The following TASOR variants were observed in gnomAD, a reference collection of about 807,000 sequenced individuals.
The protein encoded by TASOR is protein TASOR.
In TASOR, 53 loss-of-function variants were observed where a neutral mutation model predicts 178.6. The ratio of observed to expected loss-of-function variants is 0.30; its 90% CI spans 0.24 to 0.37. The LOEUF is 0.37. Ranked by LOEUF, TASOR falls within the 10% of genes least tolerant of loss-of-function variation. The probability of loss-of-function intolerance (pLI) is 1.00; values close to 1 mark genes in which losing one functional copy is unlikely to be tolerated. For missense variants in TASOR, 1,815 were observed against 1,971.4 expected, an observed-to-expected ratio of 0.92 and a Z score of 1.50; for synonymous variants, 713 against 696.2, an observed-to-expected ratio of 1.02 and a Z score of -0.38.
chr3:56,676,501 G>A (rs1373210083), intron 1 of TASOR, among the ~76,000 whole-genome samples: 2 of 152,174 alleles, frequency 1.3e-5, no homozygotes, highest in Non-Finnish European at 2.9e-5. Context: ...GCAGCATGTG[G>A]AGGTCTTTAT....
At chr3:56,636,917 T>C (rs1287991641) in intron 17 of TASOR, among the ~76,000 whole-genome samples, 1 of 151,824 alleles carries the variant, frequency 6.6e-6, no homozygotes, top group Non-Finnish European at 1.5e-5. Flanking sequence ...CTCACACCTG[T>C]AATCCCAACA....
intron 9 of TASOR, 106 bp downstream of exon 9, chr3:56,662,279 G>A: frequency 1.5e-6 from 1 of 677,434 alleles, no homozygotes; most frequent in Non-Finnish European, 2.6e-6. Context: ...TTATATTGAA[G>A]TTCTTATGAA....
At chr3:56,662,259 A>C in intron 9 of TASOR, 126 bp downstream of exon 9, 1 of 634,226 alleles carries the variant, frequency 1.6e-6, no homozygotes, top group South Asian at 1.9e-5. Flanking sequence ...TTTAAAAAAC[A>C]AACCAACATT....
chr3:56,667,343 A>AT (rs1254421532), intron 6 of TASOR, among the ~76,000 whole-genome samples: 1 of 151,954 alleles, frequency 6.6e-6, no homozygotes, highest in Admixed American at 6.6e-5. Flanking sequence ...GGTTATAGAC[A>AT]TTTTTTTTAA....
At chr3:56,629,325 T>G (rs1019273523) in intron 18 of TASOR, among the ~76,000 whole-genome samples, 2 of 152,108 alleles carry the variant, frequency 1.3e-5, no homozygotes, top group Non-Finnish European at 2.9e-5. Flanking sequence ...AGAAACACTT[T>G]AAGGCAACCT....
intron 23 of TASOR, 110 bp from the exon 24 acceptor site, chr3:56,623,676 A>G: frequency 3.2e-6 from 5 of 1,540,666 alleles, no homozygotes; most frequent in Non-Finnish European, 4.4e-6. Flanking sequence ...GCAAGTCCAC[A>G]ATCCCTTAAA....
rs549330113 is a variant in TASOR, at chr3:56,665,309, C to T, written c.1022+951G>A. On this transcript the variant is annotated intron_variant, in intron 7 of 23. Transcript: ENST00000683822. ...GAGGCATGAGCATCCTTTGTAGAAG[C>T]TCCCCATTTCCAAGGGTGCTAATAC... 2.0e-5 allele frequency among the ~76,000 whole-genome samples: 3 copies of T among 152,290 alleles called. No homozygotes were observed. The South Asian group carries it at 6.2e-4, about 32-fold the overall frequency.
rs575274281 is a variant in TASOR at position 56,634,038 on chromosome 3, T to TG, written c.2825-73dup. On this transcript the variant is annotated intron_variant, in intron 17 of 23. Transcript: ENST00000683822. ...GATATGAAAACACAAACCCTTAAAT[T>TG]GGGGGAAAAAAGGGTTAACACACAT... is the stretch of plus-strand genomic sequence containing the variant. The TG allele has an allele frequency of 3.8e-5, 49 of 1,272,920 alleles. No homozygotes were observed. In the East Asian group the frequency reaches 1.0e-3, roughly 26 times the overall value. The allele number at this position is 1,272,920 out of a possible 1,614,324, so 78.9% of individuals were successfully genotyped here.
In TASOR at chr3:56,641,687, A is replaced by T; in HGVS notation, c.2281T>A (p.Cys761Ser). ...ADLRRQQQDT[C>S]NSGIADIHRL... The stretch of plus-strand genomic sequence containing the variant: ...TGGATGTCAGCAATGCCGGAGTTAC[A>T]GGTATCCTGCTGCTGCCGCCTCAAG... The change falls in exon 15 of 24, where the codon TGT becomes AGT. Residue 761 changes from cysteine (C) to serine (S), a missense_variant. Around this residue, in one of 5 missense-constraint regions of TASOR, gnomAD observed 655 missense variants for 671.1 expected, o/e 0.98. Transcript: ENST00000683822. 1.9e-6 allele frequency: 3 copies of T among 1,614,254 alleles called. No homozygotes were observed. The highest frequency in any genetic ancestry group is 2.5e-6 in the Non-Finnish European group (3 of 1,180,044).
chr3:56,654,949 A>G (rs574337329), intron 11 of TASOR, among the ~76,000 whole-genome samples: 12 of 152,266 alleles, frequency 7.9e-5, no homozygotes, highest in African/African-American at 2.9e-4. Context: ...CAGCCTCCAT[A>G]AATGTGTGAG....
chr3:56,628,234 C>T (rs753978772), intron 19 of TASOR, among the ~76,000 whole-genome samples: 5 of 152,238 alleles, frequency 3.3e-5, no homozygotes, highest in Non-Finnish European at 5.9e-5. Flanking sequence ...TGTAGTCAGT[C>T]AGCAGACCCA....
rs561554329 is a variant in TASOR at position 56,662,313 on chromosome 3, A to C, written c.1160+72T>G. On this transcript the variant is annotated intron_variant, in intron 9 of 23. Transcript: ENST00000683822. ...AACCAAAATAAAATTTAAATATGAA[A>C]AAGAAATAAGGAAAAAGGCTCAAGA... 5 of 800,418 alleles carry C rather than the reference A, an allele frequency of 6.2e-6. No homozygotes were observed. In the Admixed American group the frequency reaches 1.4e-4, roughly 23 times the overall value. The allele number at this position is 800,418 out of a possible 1,614,324, so 49.6% of individuals were successfully genotyped here. A position where few individuals can be genotyped will look rare whatever the true frequency, so the allele number is the denominator to read the frequency against.
chr3:56,660,577 A>T (rs2077573440), intron 11 of TASOR, among the ~76,000 whole-genome samples, 154 bp downstream of exon 11: 1 of 152,138 alleles, frequency 6.6e-6, no homozygotes, highest in African/African-American at 2.4e-5. Flanking sequence ...GAATACCAGA[A>T]CCACAGTAAA....
At chr3:56,675,364 A>T (rs2031193112) in intron 1 of TASOR, among the ~76,000 whole-genome samples, 1 of 151,424 alleles carries the variant, frequency 6.6e-6, no homozygotes, top group South Asian at 2.1e-4. Flanking sequence ...TTTAGTAGAT[A>T]TGGGGTTTCA....
intron 4 of TASOR, 45 bp from the exon 5 acceptor site, chr3:56,669,836 A>T: frequency 7.5e-7 from 1 of 1,330,522 alleles, no homozygotes; most frequent in East Asian, 2.5e-5. Context: ...TATTTTTCAA[A>T]ATCACTAGGA....
At chr3:56,639,278 T>C (rs150724657) in intron 16 of TASOR, among the ~76,000 whole-genome samples, 413 of 151,412 alleles carry the variant, frequency 2.7e-3, no homozygotes, top group African/African-American at 9.5e-3. Context: ...GGTGTAGGAC[T>C]GGAAAAGACG....
chr3:56,627,252 T>C, intron 20 of TASOR, 107 bp from the exon 21 acceptor site: 1 of 682,238 alleles, frequency 1.5e-6, no homozygotes, highest in Non-Finnish European at 2.5e-6. Flanking sequence ...TACTTTCCTA[T>C]GTACTATTTT....
At chr3:56,677,957 C>G (rs1342215055) in intron 1 of TASOR, among the ~76,000 whole-genome samples, 1 of 152,110 alleles carries the variant, frequency 6.6e-6, no homozygotes, top group Non-Finnish European at 1.5e-5. Flanking sequence ...AGAAGAACAG[C>G]TAAGTTGATT....
Position 56,621,803 on chromosome 3 carries a change from G to T in TASOR, c.*1234C>A, listed in dbSNP as rs1348499254. 1.6e-3 allele frequency: 229 copies of T among 139,076 alleles called. No homozygotes were observed. Among genetic ancestry groups the T allele is most frequent in the East Asian group, 3.7e-3 (19 of 5,090 alleles). 8.6% of individuals were successfully genotyped at this position (139,076 alleles called of 1,614,324 possible). On this transcript the variant is annotated 3_prime_UTR_variant, in exon 24 of 24. Transcript: ENST00000683822. ...ATACAATAAAACAGATACTTCTTTTGTAAAAGCTTAGTAGTAAAAAAAAAA... is the reference window on the plus strand; with the variant it reads ...ATACAATAAAACAGATACTTCTTTTTTAAAAGCTTAGTAGTAAAAAAAAAA...
Sources: allele counts gnomAD v4.1 joint callset (sites outside exome capture counted in the v4.1 genomes callset), GRCh38; gene constraint gnomAD v4.1.1; regional missense constraint gnomAD v4.1.1; transcripts MANE v1.5; gene names NCBI Gene and HGNC (gene_info 2026-07-23, HGNC 2026-07-21).